The following CEP44 variants were observed in gnomAD, a reference collection of about 807,000 sequenced individuals.
CEP44 encodes the protein centrosomal protein 44, also known as centrosomal protein of 44 kDa.
In CEP44, 45 loss-of-function variants were observed where a neutral mutation model predicts 46.7. The ratio of observed to expected loss-of-function variants is 0.96; its 90% CI spans 0.76 to 1.24. The LOEUF is 1.24. CEP44 is among the 50% of genes most tolerant of loss of function. CEP44 has a pLI of 0.00. For missense variants in CEP44, 475 were observed against 459.7 expected (o/e 1.03, Z -0.30); for synonymous variants, 142 against 146.0 (o/e 0.97, Z 0.20).
intron 9 of CEP44, among the ~76,000 whole-genome samples, chr4:174,313,044 A>C (rs923503560): frequency 1.3e-5 from 2 of 152,118 alleles, no homozygotes; most frequent in Admixed American, 1.3e-4. Context: ...GGGTGCTGTC[A>C]GGGAGCAGGA....
In CEP44 at chr4:174,310,521, T is replaced by C. The variant is rs775293859; in HGVS notation, c.886-262T>C. 7.9e-5 allele frequency among the ~76,000 whole-genome samples: 12 copies of C among 151,924 alleles called. No individual in the cohort carries two copies. The highest frequency in any genetic ancestry group is 1.8e-4 in the Non-Finnish European group (12 of 67,854). ...CATTGCCTTATCAAATCTGAGAAAT[T>C]TGTTTTTTTTTACTCAGGATTTCAA... is the stretch of plus-strand genomic sequence containing the variant. On this transcript the variant is annotated intron_variant, in intron 8 of 11. Transcript: ENST00000503780. The surrounding 1 kb of genome is among the most constrained non-coding windows in gnomAD (Gnocchi z 4.2).
downstream of CEP44, among the ~76,000 whole-genome samples, chr4:174,320,696 GTGTGTGTA>G (rs996025203): frequency 1.4e-5 from 2 of 141,558 alleles, no homozygotes; most frequent in African/African-American, 5.6e-5. Flanking sequence ...GTGTGTGTGT[GTGTGTGTA>G]TGTGTGTGTG....
rs1739699144 is a variant in CEP44, at chr4:174,301,471, G to A, written c.90-568G>A. Among the ~76,000 whole-genome samples the A allele has an allele frequency of 6.6e-6, 1 of 152,156 alleles. No individual in the cohort carries two copies. Among genetic ancestry groups the A allele is most frequent in the South Asian group, 2.1e-4 (1 of 4,832 alleles). Reference sequence around the variant, plus strand: ...AAATAATAATTGGATAAGCAAAGAAGAGTGGGATACCTTTCTAGACTGGTG... The same window carrying A: ...AAATAATAATTGGATAAGCAAAGAAAAGTGGGATACCTTTCTAGACTGGTG... On this transcript the variant is annotated intron_variant, in intron 3 of 11. Transcript: ENST00000503780. The surrounding 1 kb of genome is among the most constrained non-coding windows in gnomAD (Gnocchi z 4.3).
rs769896317 is a variant in CEP44 at position 174,316,181 on chromosome 4, TAG to T, written c.982_983del (p.Arg328AlafsTer11). The T allele has an allele frequency of 2.5e-6, 4 of 1,612,920 alleles. No homozygotes were observed. The highest frequency in any genetic ancestry group is 2.2e-5 in the South Asian group (2 of 90,672). On this transcript the variant is annotated frameshift_variant, in exon 10 of 12. Coordinates refer to ENST00000503780, the MANE Select transcript of CEP44 (RefSeq NM_001040157.3). LOFTEE classifies it high-confidence loss of function. ...TTCTTCACAGACAGAAAAAGCGAAGTAGAGAGGCCAGCAAGTATTCCTCTGTC... is the reference window on the plus strand; with the variant it reads ...TTCTTCACAGACAGAAAAAGCGAAGTAGAGGCCAGCAAGTATTCCTCTGTC...
intron 3 of CEP44, among the ~76,000 whole-genome samples, chr4:174,300,574 AT>A (rs1739597707): frequency 6.6e-6 from 1 of 152,122 alleles, no homozygotes; most frequent in Non-Finnish European, 1.5e-5. Context: ...CAAAAGCATC[AT>A]TAAGAACAAC....
chr4:174,290,466 TC>T lies in CEP44; in HGVS notation c.-148+6524del, dbSNP rs1479353517. 6.6e-6 allele frequency among the ~76,000 whole-genome samples: 1 copy of T among 151,374 alleles called. No homozygotes were observed. Among genetic ancestry groups the T allele is most frequent in the African/African-American group, 2.4e-5 (1 of 41,392 alleles). ...ACTTGTTTTGTGACCTAGGCTGTGA[TC>T]AGTTATAGAGAATGTTTCATGTCCT... On this transcript the variant is annotated intron_variant, in intron 1 of 11. Coordinates refer to ENST00000503780, the MANE Select transcript of CEP44 (RefSeq NM_001040157.3). The surrounding 1 kb of genome is among the most constrained non-coding windows in gnomAD (Gnocchi z 4.3).
exon 9 of CEP44, chr4:174,332,218 C>G (rs995375607): frequency 1.3e-5 from 2 of 152,222 alleles, no homozygotes; most frequent in Non-Finnish European, 2.9e-5. Flanking sequence ...ACCGTTGGTA[C>G]AGTAGGCTAA....
At chr4:174,293,664 T>A (rs1738493786) in intron 1 of CEP44, among the ~76,000 whole-genome samples, 1 of 152,252 alleles carries the variant, frequency 6.6e-6, no homozygotes, top group Admixed American at 6.5e-5. Flanking sequence ...GACTTTGCTA[T>A]ACTCACTTTT....
chr4:174,310,706 A>T lies in CEP44; in HGVS notation c.886-77A>T. ...ATTTATCATGCTACCTTTATATTTT[A>T]TGCTCAGCATTAAGAATATAAAATG... On this transcript the variant is annotated intron_variant, in intron 8 of 11. Coordinates refer to ENST00000503780, the MANE Select transcript of CEP44 (RefSeq NM_001040157.3). The surrounding 1 kb of genome is among the most constrained non-coding windows in gnomAD (Gnocchi z 4.2). 1.4e-6 allele frequency: 1 copy of T among 739,594 alleles called. No individual in the cohort carries two copies. The highest frequency in any genetic ancestry group is 1.7e-5 in the South Asian group (1 of 59,804). 45.8% of individuals were successfully genotyped at this position (739,594 alleles called of 1,614,324 possible).
chr4:174,310,900 C>T lies in CEP44; in HGVS notation c.961+42C>T. The T allele has an allele frequency of 1.2e-6, 1 of 861,344 alleles. No homozygotes were observed. Among genetic ancestry groups the T allele is most frequent in the Non-Finnish European group, 1.9e-6 (1 of 535,726 alleles). 53.4% of individuals were successfully genotyped at this position (861,344 alleles called of 1,614,324 possible). ...TATGAGAATTGGTATGATGAGTTTT[C>T]AGAAAAATGATTGTTATAGTAATTT... On this transcript the variant is annotated intron_variant, in intron 9 of 11. Coordinates refer to ENST00000503780, the MANE Select transcript of CEP44 (RefSeq NM_001040157.3). This position sits in a 1 kb window ranked among gnomAD's most constrained non-coding sequence, Gnocchi z 4.2.
rs1197283870 is a variant in CEP44, at chr4:174,286,509, T to C, written c.-148+2566T>C. Among the ~76,000 whole-genome samples the C allele has an allele frequency of 6.6e-6, 1 of 152,256 alleles. No homozygotes were observed. Among genetic ancestry groups the C allele is most frequent in the African/African-American group, 2.4e-5 (1 of 41,478 alleles). On this transcript the variant is annotated intron_variant, in intron 1 of 11. Transcript: ENST00000503780. This position sits in a 1 kb window ranked among gnomAD's most constrained non-coding sequence, Gnocchi z 5.2. ...TCATTACTCAAGGTATTGTTATGTA[T>C]TACTTTTCTTCTATGAAGTGTCCAT...
intron 6 of CEP44, among the ~76,000 whole-genome samples, chr4:174,305,549 T>C (rs1488184662): frequency 6.6e-6 from 1 of 152,206 alleles, no homozygotes; most frequent in East Asian, 1.9e-4. Flanking sequence ...CCTGTTTTGC[T>C]CTAGGTAATG....
At chr4:174,302,838 T>A (rs1412008198) in intron 4 of CEP44, among the ~76,000 whole-genome samples, 1 of 151,538 alleles carries the variant, frequency 6.6e-6, no homozygotes, top group Admixed American at 6.6e-5. Context: ...TGGAGTGCAG[T>A]GTCACGATCT....
intron 6 of CEP44, 135 bp from the exon 7 acceptor site, chr4:174,308,554 G>A (rs1313875036): frequency 1.3e-6 from 1 of 791,572 alleles, no homozygotes; most frequent in African/African-American, 1.8e-5. Context: ...GAAATAATCT[G>A]CACAACAAAC....
downstream of CEP44, among the ~76,000 whole-genome samples, chr4:174,321,072 C>A (rs1391165051): frequency 6.6e-6 from 1 of 151,984 alleles, no homozygotes; most frequent in African/African-American, 2.4e-5. Context: ...TGTTATCTTG[C>A]CTAATTGGTT....
chr4:174,332,842 T>A (rs1731382273), exon 9 of CEP44: 1 of 152,146 alleles, frequency 6.6e-6, no homozygotes. Context: ...TGTTCCTAGT[T>A]GGAGGGATAT....
At position 174,299,164 on chromosome 4, in the gene CEP44, C is replaced by T; in HGVS notation, c.43C>T (p.Gln15Ter). 6.2e-7 allele frequency: 1 copy of T among 1,613,780 alleles called. No individual in the cohort carries two copies. Among genetic ancestry groups the T allele is most frequent in the Non-Finnish European group, 8.5e-7 (1 of 1,179,748 alleles). Residue 15 changes from glutamine (Q) to a stop codon, truncating the protein, a stop_gained, in exon 3 of 12, where the codon CAG becomes TAG. Transcript: ENST00000503780. LOFTEE classifies it high-confidence loss of function. ...AAAAAGAAGCTTACGGAACCTAGAACAGGTGCTCCGCTTGCTAAATTATCC... is the reference window on the plus strand; with the variant it reads ...AAAAAGAAGCTTACGGAACCTAGAATAGGTGCTCCGCTTGCTAAATTATCC... ...DLKRSLRNLE[Q>*]VLRLLNYPEE...
intron 1 of CEP44, among the ~76,000 whole-genome samples, chr4:174,291,782 C>CTTTTTTTTTTTTT (rs1208425482): frequency 5.4e-4 from 44 of 81,622 alleles, no homozygotes; most frequent in South Asian, 1.7e-3. Context: ...TTATCTTTTT[C>CTTTTTTTTTTTTT]TTTTCTTTTT....
At position 174,304,171 on chromosome 4, in the gene CEP44, A is replaced by C. The variant is rs1740094276; in HGVS notation, c.385-76A>C. 3.5e-6 allele frequency: 5 copies of C among 1,444,836 alleles called. No homozygotes were observed. In the South Asian group the frequency reaches 4.2e-5, roughly 12 times the overall value. 89.5% of individuals were successfully genotyped at this position (1,444,836 alleles called of 1,614,324 possible). A position where few individuals can be genotyped will look rare whatever the true frequency, so the allele number is the denominator to read the frequency against. On this transcript the variant is annotated intron_variant, in intron 5 of 11. Transcript: ENST00000503780. ...GCTATATTTCATATATGAAAATTTA[A>C]ATGTTAATGGAATTTTAATATATAA...
Sources: allele counts gnomAD v4.1 joint callset (sites outside exome capture counted in the v4.1 genomes callset), GRCh38; gene constraint gnomAD v4.1.1; non-coding constraint Gnocchi (gnomAD v3.1); transcripts MANE v1.5; gene names NCBI Gene and HGNC (gene_info 2026-07-23, HGNC 2026-07-21).